The following ATP9A variants were observed in gnomAD, a reference collection of about 807,000 sequenced individuals.
ATP9A encodes ATPase phospholipid transporting 9A.
Under a neutral mutation model 144.1 loss-of-function variants are expected in ATP9A, and 52 were observed. The observed-to-expected ratio is 0.36, with a 90% confidence interval of 0.29 to 0.45. ATP9A has a LOEUF of 0.45. Ranked by LOEUF, ATP9A falls within the 20% of genes least tolerant of loss-of-function variation. The pLI is 1.00. For synonymous variants in ATP9A, 582 were observed against 557.4 expected (o/e 1.04, Z -0.62); for missense variants, 947 against 1,392.7 (o/e 0.68, Z 5.09).
intron 9 of ATP9A, among the ~76,000 whole-genome samples, chr20:51,681,721 C>T (rs1277186211): frequency 1.3e-5 from 2 of 152,140 alleles, no homozygotes; most frequent in Non-Finnish European, 2.9e-5. Flanking sequence ...CGCGCCCAGC[C>T]TCCATCCGAA....
At chr20:51,722,977 A>AT (rs1219824735) in intron 3 of ATP9A, among the ~76,000 whole-genome samples, 4 of 152,084 alleles carry the variant, frequency 2.6e-5, no homozygotes, top group African/African-American at 9.7e-5. Flanking sequence ...TGCCCAGCTA[A>AT]TTTTTTGTAT....
At chr20:51,713,824 G>A (rs1601121670) in intron 3 of ATP9A, among the ~76,000 whole-genome samples, 1 of 152,196 alleles carries the variant, frequency 6.6e-6, no homozygotes, top group Admixed American at 6.5e-5. Context: ...CTTAACTACA[G>A]GTTAGATTTC....
intron 15 of ATP9A, among the ~76,000 whole-genome samples, chr20:51,633,924 G>C (rs2077280347): frequency 4.1e-5 from 6 of 147,760 alleles, no homozygotes; most frequent in Admixed American, 4.0e-4. Context: ...GGGAGGGAGG[G>C]AGAGAGAGAG....
rs568180781 is a variant in ATP9A, at chr20:51,644,750, T to TA, written c.1507-5247dup. Among the ~76,000 whole-genome samples, 1,293 of 148,804 alleles carry TA rather than the reference T, an allele frequency of 8.7e-3. 8 individuals are homozygous for TA. The highest frequency in any genetic ancestry group is 0.016 in the African/African-American group (640 of 40,766). On this transcript the variant is annotated intron_variant, in intron 14 of 27. Transcript: ENST00000338821. ...CTTATATACCTATTAAGTAATAAAG[T>TA]AAAAAAAAAAATTATTCTTCAGGTA... is the stretch of plus-strand genomic sequence containing the variant.
At chr20:51,655,187 A>G (rs961973771) in intron 14 of ATP9A, among the ~76,000 whole-genome samples, 20 of 152,256 alleles carry the variant, frequency 1.3e-4, no homozygotes, top group Admixed American at 1.3e-3. Context: ...AATGCTTTCA[A>G]TAATATTCAA....
intron 15 of ATP9A, among the ~76,000 whole-genome samples, chr20:51,635,100 C>T (rs1024230405): frequency 2.0e-5 from 3 of 152,136 alleles, no homozygotes; most frequent in Non-Finnish European, 4.4e-5. Flanking sequence ...GGGGAGGTCA[C>T]CTCTGACAGT....
At chr20:51,675,947 C>T (rs552849450) in intron 10 of ATP9A, among the ~76,000 whole-genome samples, 185 bp downstream of exon 10, 2 of 150,210 alleles carry the variant, frequency 1.3e-5, no homozygotes, top group East Asian at 1.9e-4. Flanking sequence ...TACATATTTA[C>T]GTACTGTATT....
At chr20:51,667,044 C>T (rs999907733) in intron 13 of ATP9A, among the ~76,000 whole-genome samples, 1 of 152,150 alleles carries the variant, frequency 6.6e-6, no homozygotes, top group African/African-American at 2.4e-5. Context: ...ACCCCAGCCT[C>T]GCACAGCTAA....
intron 15 of ATP9A, among the ~76,000 whole-genome samples, chr20:51,632,644 T>C (rs1386368475): frequency 6.6e-6 from 1 of 151,946 alleles, no homozygotes; most frequent in Admixed American, 6.6e-5. Flanking sequence ...ACCATCACAT[T>C]AGAGGAGTGT....
Position 51,601,063 on chromosome 20 carries a change from C to G in ATP9A, c.*148G>C, listed in dbSNP as rs1257131601. 2 of 1,005,878 alleles carry G rather than the reference C, an allele frequency of 2.0e-6. No homozygotes were observed. Among genetic ancestry groups the G allele is most frequent in the Non-Finnish European group, 2.8e-6 (2 of 721,038 alleles). 62.3% of individuals were successfully genotyped at this position (1,005,878 alleles called of 1,614,324 possible). The stretch of plus-strand genomic sequence containing the variant: ...CTCCCGTTGATGCAGCGTTAGGACT[C>G]CGTTTAGGCGCAGAGCCACTTCCCA... On this transcript the variant is annotated 3_prime_UTR_variant, in exon 28 of 28. Transcript: ENST00000338821.
rs149989467 is a variant in ATP9A, at chr20:51,754,256, C to T, written c.68+14046G>A. 9.6e-3 allele frequency among the ~76,000 whole-genome samples: 1,459 copies of T among 152,210 alleles called. 17 individuals are homozygous for T. The highest frequency in any genetic ancestry group is 0.033 in the African/African-American group (1,371 of 41,546). On this transcript the variant is annotated intron_variant, in intron 1 of 27. Transcript: ENST00000338821. ...GTGGCTCATGCTTGTAATCCCAGCA[C>T]TTTGGGAGGCCAAGGCAGGTGGATC...
chr20:51,766,479 G>T (rs2077904143), intron 1 of ATP9A, among the ~76,000 whole-genome samples: 1 of 152,140 alleles, frequency 6.6e-6, no homozygotes, highest in Admixed American at 6.6e-5. Context: ...ATTCATCACA[G>T]TATTTACGGA....
At chr20:51,618,591 A>G in intron 21 of ATP9A, 71 bp downstream of exon 21, 1 of 1,531,988 alleles carries the variant, frequency 6.5e-7, no homozygotes, top group Non-Finnish European at 8.7e-7. Context: ...CAGTGTCCAA[A>G]TATCCTTAGG....
chr20:51,647,223 C>T (rs2077345677), intron 14 of ATP9A, among the ~76,000 whole-genome samples: 2 of 152,122 alleles, frequency 1.3e-5, no homozygotes, highest in Admixed American at 1.3e-4. Context: ...GAAAGAACAG[C>T]ATCATCTTCC....
At position 51,753,477 on chromosome 20, in the gene ATP9A, AC is replaced by A. The variant is rs1365256369; in HGVS notation, c.68+14824del. On this transcript the variant is annotated intron_variant, in intron 1 of 27. Coordinates refer to ENST00000338821, the MANE Select transcript of ATP9A (RefSeq NM_006045.3). ...AAAAACAACAACAACAACAACAACA[AC>A]AACAACAACAAACCCACGTTCTACA... is the stretch of plus-strand genomic sequence containing the variant. Among the ~76,000 whole-genome samples, 846 of 151,610 alleles carry A rather than the reference AC, an allele frequency of 5.6e-3. 11 individuals carry two copies. The highest frequency in any genetic ancestry group is 0.019 in the African/African-American group (779 of 41,292).
At chr20:51,687,605 T>A (rs2077528725) in intron 9 of ATP9A, among the ~76,000 whole-genome samples, 1 of 151,884 alleles carries the variant, frequency 6.6e-6, no homozygotes, top group Non-Finnish European at 1.5e-5. Context: ...TCTAAAAAAG[T>A]ATTTAAAAAT....
chr20:51,669,546 A>G (rs1389527115), intron 13 of ATP9A, among the ~76,000 whole-genome samples: 1 of 152,216 alleles, frequency 6.6e-6, no homozygotes, highest in African/African-American at 2.4e-5. Context: ...GGTCATAGCC[A>G]GGGAAAGGGA....
chr20:51,735,648 T>G (rs373738393), intron 1 of ATP9A, among the ~76,000 whole-genome samples: 7 of 152,214 alleles, frequency 4.6e-5, no homozygotes, highest in African/African-American at 1.7e-4. Context: ...AAATAAGAAC[T>G]TTGTGTTACC....
At chr20:51,612,648 C>G (rs2077189040) in intron 23 of ATP9A, among the ~76,000 whole-genome samples, 1 of 152,158 alleles carries the variant, frequency 6.6e-6, no homozygotes, top group African/African-American at 2.4e-5. Flanking sequence ...TGGTCTTGAA[C>G]TCCTGGCCTG....
Sources: gnomAD v4.1 joint callset for allele counts (sites outside exome capture counted in the v4.1 genomes callset) on GRCh38, gnomAD v4.1.1 for gene constraint, MANE v1.5 for transcripts, NCBI Gene and HGNC (gene_info 2026-07-23, HGNC 2026-07-21) for gene names.